LOC400499: variants seen among roughly 807,000 people sequenced by gnomAD.
chr16:11,396,736 G>T, the LOC400499 span: 1 of 1,203,414 alleles, frequency 8.3e-7, no homozygotes, highest in Non-Finnish European at 1.0e-6. Flanking sequence ...TCTCTCCCCA[G>T]TCCCCTGCAC....
chr16:11,385,168 G>T, the LOC400499 span: 1 of 1,231,212 alleles, frequency 8.1e-7, no homozygotes, highest in East Asian at 3.2e-5. Context: ...CAGGTCTCCA[G>T]GGGAGGCTCA....
the LOC400499 span, among the ~76,000 whole-genome samples, chr16:11,519,184 T>G: frequency 6.6e-6 from 1 of 152,212 alleles, no homozygotes; most frequent in African/African-American, 2.4e-5. Context: ...AGCTCCCTGC[T>G]AAACGTCTGG....
At chr16:11,386,260 G>A in the LOC400499 span, among the ~76,000 whole-genome samples, 4 of 152,196 alleles carry the variant, frequency 2.6e-5, no homozygotes, top group Non-Finnish European at 5.9e-5. Context: ...GGGGGTGGGG[G>A]TGCCCTTGCC....
the LOC400499 span, chr16:11,487,454 G>A: frequency 5.0e-6 from 2 of 398,332 alleles, no homozygotes; most frequent in South Asian, 1.3e-4. Flanking sequence ...TATTACCACA[G>A]GGCCATACCC....
At chr16:11,407,227 G>A in the LOC400499 span, 1 of 398,960 alleles carries the variant, frequency 2.5e-6, no homozygotes, top group Non-Finnish European at 4.4e-6. Flanking sequence ...CCAGTTTGAT[G>A]AAATTGTTGA....
chr16:11,503,847 G>A, the LOC400499 span, among the ~76,000 whole-genome samples: 1 of 152,312 alleles, frequency 6.6e-6, no homozygotes, highest in Non-Finnish European at 1.5e-5. Flanking sequence ...ATCGCAGCTG[G>A]CCCTGACCAC....
the LOC400499 span, chr16:11,372,741 G>C: frequency 1.0e-6 from 1 of 983,754 alleles, no homozygotes; most frequent in Non-Finnish European, 1.2e-6. Flanking sequence ...ATCTCAAACT[G>C]TAAAGGAGAG....
the LOC400499 span, chr16:11,446,765 G>A: frequency 6.5e-7 from 1 of 1,535,822 alleles, no homozygotes; most frequent in African/African-American, 1.4e-5. Flanking sequence ...TGTCCGGCCT[G>A]GCAGCCCAGG....
the LOC400499 span, chr16:11,478,451 G>A: frequency 2.5e-6 from 1 of 398,494 alleles, no homozygotes; most frequent in Non-Finnish European, 4.4e-6. Flanking sequence ...TGGGCAGCCT[G>A]ACTCCAAATT....
At chr16:11,461,179 C>A in the LOC400499 span, 11 of 1,475,706 alleles carry the variant, frequency 7.5e-6, no homozygotes, top group African/African-American at 7.0e-5. Context: ...GCACCCCCAT[C>A]CCCAGGCAAA....
At chr16:11,429,029 T>A in the LOC400499 span, among the ~76,000 whole-genome samples, 3 of 151,952 alleles carry the variant, frequency 2.0e-5, no homozygotes, top group Non-Finnish European at 4.4e-5. Context: ...GATTACTGAA[T>A]AAAATAAGAA....
chr16:11,509,046 G>A, the LOC400499 span, among the ~76,000 whole-genome samples: 1 of 151,934 alleles, frequency 6.6e-6, no homozygotes, highest in Non-Finnish European at 1.5e-5. Flanking sequence ...AAGCACCTAT[G>A]TACCCACCAG....
the LOC400499 span, among the ~76,000 whole-genome samples, chr16:11,495,446 T>A: frequency 6.6e-6 from 1 of 150,524 alleles, no homozygotes; most frequent in Non-Finnish European, 1.5e-5. Context: ...AGTGGCCCTA[T>A]CTAGGCCCAC....
At chr16:11,393,644 G>A in the LOC400499 span, 13 of 1,145,290 alleles carry the variant, frequency 1.1e-5, no homozygotes, top group Non-Finnish European at 1.4e-5. Context: ...CTCAGGAAGA[G>A]GCTGGCTGGG....
chr16:11,397,781 G>GGAT, the LOC400499 span, among the ~76,000 whole-genome samples: 1 of 109,156 alleles, frequency 9.2e-6, no homozygotes, highest in African/African-American at 3.1e-5. Flanking sequence ...GATGGAGGGA[G>GGAT]GGAGGGAGGG....
chr16:11,461,762 G>T, the LOC400499 span, among the ~76,000 whole-genome samples: 1 of 152,070 alleles, frequency 6.6e-6, no homozygotes, highest in Admixed American at 6.6e-5. Context: ...GAATCTTCCG[G>T]AACACCCATG....
the LOC400499 span, among the ~76,000 whole-genome samples, chr16:11,439,004 A>G: frequency 6.6e-6 from 1 of 152,074 alleles, no homozygotes; most frequent in East Asian, 1.9e-4. Flanking sequence ...GGGATTCCCT[A>G]TTTACACCTC....
the LOC400499 span, among the ~76,000 whole-genome samples, chr16:11,525,293 A>T: frequency 2.0e-5 from 2 of 98,292 alleles, no homozygotes; most frequent in Non-Finnish European, 4.2e-5. Context: ...ACCTTGTCCC[A>T]AAAAAAAAAA....
the LOC400499 span, among the ~76,000 whole-genome samples, chr16:11,489,083 G>C: frequency 6.6e-6 from 1 of 152,330 alleles, no homozygotes; most frequent in Non-Finnish European, 1.5e-5. Context: ...CCCGTGTATG[G>C]AATTCTGACA....
Sources: allele counts gnomAD v4.1 joint callset (sites outside exome capture counted in the v4.1 genomes callset), GRCh38; gene constraint gnomAD v4.1.1; transcripts MANE v1.5.